AGMO: variants seen among roughly 807,000 people sequenced by gnomAD.
The protein encoded by AGMO is glyceryl-ether monooxygenase.
In AGMO, 75 loss-of-function variants were observed where a neutral mutation model predicts 60.2. The ratio of observed to expected loss-of-function variants is 1.25; its 90% CI spans 1.03 to 1.51. The LOEUF is 1.51. AGMO is among the 40% of genes most tolerant of loss of function. The pLI, the probability that AGMO is intolerant of heterozygous loss-of-function variation, is 0.00. For missense variants in AGMO, 763 were observed against 525.5 expected (o/e 1.45, Z -4.42); for synonymous variants, 261 against 177.1 (o/e 1.47, Z -3.76).
chr7:15,359,885 T>C (rs1327262230), intron 12 of AGMO, among the ~76,000 whole-genome samples: 2 of 152,228 alleles, frequency 1.3e-5, no homozygotes, highest in Admixed American at 6.5e-5. Context: ...TATAAATTCA[T>C]GTTCCAAAGA....
At chr7:15,168,696 T>A in the AGMO span, among the ~76,000 whole-genome samples, 2 of 152,154 alleles carry the variant, frequency 1.3e-5, no homozygotes, top group Non-Finnish European at 2.9e-5. Context: ...TTCCTTAGAC[T>A]CAGAACTGAA....
At chr7:15,259,824 G>GCAAAGAT (rs1440718529) in intron 12 of AGMO, among the ~76,000 whole-genome samples, 1 of 128,338 alleles carries the variant, frequency 7.8e-6, no homozygotes, top group African/African-American at 3.0e-5. Flanking sequence ...CATAAATGAA[G>GCAAAGAT]CAAAGATACA....
At chr7:15,224,287 A>G (rs1438056931) in intron 12 of AGMO, among the ~76,000 whole-genome samples, 1 of 152,074 alleles carries the variant, frequency 6.6e-6, no homozygotes, top group Admixed American at 6.6e-5. Context: ...ACCCTCACAA[A>G]TACAGATGTT....
chr7:15,250,453 G>T (rs930305702), intron 12 of AGMO, among the ~76,000 whole-genome samples: 58 of 152,100 alleles, frequency 3.8e-4, no homozygotes, highest in African/African-American at 1.3e-3. Context: ...TAGCATTCAA[G>T]CATTATTCTC....
At chr7:15,230,954 C>T (rs934935712) in intron 12 of AGMO, among the ~76,000 whole-genome samples, 15 of 152,252 alleles carry the variant, frequency 9.9e-5, no homozygotes, top group African/African-American at 3.6e-4. Context: ...TTGCTTATTC[C>T]ACTGCACCAT....
At chr7:15,535,277 C>T (rs759637390) in intron 3 of AGMO, among the ~76,000 whole-genome samples, 36 of 151,734 alleles carry the variant, frequency 2.4e-4, no homozygotes, top group Non-Finnish European at 4.4e-4. Flanking sequence ...ATTTCTTAGA[C>T]ATAAGCTTTG....
At chr7:15,147,970 G>A in the AGMO span, among the ~76,000 whole-genome samples, 7 of 152,070 alleles carry the variant, frequency 4.6e-5, no homozygotes, top group African/African-American at 1.7e-4. Context: ...TGTCAATTTT[G>A]GAATATTTTC....
rs565179659 is a variant in AGMO, at chr7:15,406,296, A to G, written c.610-12117T>C. ...TACATGTACACATATGTGTGTATAT[A>G]TATGGAATATACATATATATGTGTA... On this transcript the variant is annotated intron_variant, in intron 5 of 12. Coordinates refer to ENST00000342526, the MANE Select transcript of AGMO (RefSeq NM_001004320.2). Among the ~76,000 whole-genome samples the G allele has an allele frequency of 5.5e-5, 8 of 144,996 alleles. No homozygotes were observed. In the East Asian group the frequency reaches 1.6e-3, roughly 28 times the overall value.
At chr7:15,337,638 AC>A (rs1388062897) in intron 12 of AGMO, among the ~76,000 whole-genome samples, 1 of 152,166 alleles carries the variant, frequency 6.6e-6, no homozygotes, top group Non-Finnish European at 1.5e-5. Context: ...GCCAACTGCA[AC>A]CCACCTGCTC....
intron 12 of AGMO, among the ~76,000 whole-genome samples, chr7:15,279,639 G>A (rs549081978): frequency 7.8e-4 from 119 of 152,188 alleles, no homozygotes; most frequent in African/African-American, 2.8e-3. Context: ...CAACAATGCA[G>A]GAACTTAACA....
chr7:15,170,086 G>A, the AGMO span, among the ~76,000 whole-genome samples: 9 of 152,126 alleles, frequency 5.9e-5, no homozygotes, highest in Non-Finnish European at 1.2e-4. Context: ...CCTCTTCCAC[G>A]GATATAAACA....
Position 15,542,507 on chromosome 7 carries a change from T to C in AGMO, c.409+2265A>G, listed in dbSNP as rs531918292. Among the ~76,000 whole-genome samples the C allele has an allele frequency of 9.8e-5, 15 of 152,306 alleles. No individual in the cohort carries two copies. The South Asian group carries it at 3.1e-3, about 32-fold the overall frequency. ...GTTGATTCTTTGTTTCCTGTTATAATGGGCTTTCCAGGAGTAAACAAATTT... is the reference window on the plus strand; with the variant it reads ...GTTGATTCTTTGTTTCCTGTTATAACGGGCTTTCCAGGAGTAAACAAATTT... On this transcript the variant is annotated intron_variant, in intron 3 of 12. Transcript: ENST00000342526.
intron 10 of AGMO, among the ~76,000 whole-genome samples, chr7:15,373,742 T>C (rs1783331861): frequency 6.6e-6 from 1 of 152,220 alleles, no homozygotes; most frequent in Non-Finnish European, 1.5e-5. Flanking sequence ...GATGATTTGA[T>C]AATATTTTCC....
chr7:15,214,508 C>T (rs1050310704), intron 12 of AGMO, among the ~76,000 whole-genome samples: 4 of 151,930 alleles, frequency 2.6e-5, no homozygotes, highest in African/African-American at 9.7e-5. Context: ...TTCTCACACC[C>T]TCAAATTTGA....
At position 15,488,021 on chromosome 7, in the gene AGMO, C is replaced by T. The variant is rs1247500379; in HGVS notation, c.409+56751G>A. Among the ~76,000 whole-genome samples, 8 of 151,906 alleles carry T rather than the reference C, an allele frequency of 5.3e-5. No homozygotes were observed. The South Asian group carries it at 1.2e-3, about 24-fold the overall frequency. ...TTTAACAATATGCATAAAATTTTCC[C>T]CGAGATCTGTTTAGAATGAGGCTCT... is the stretch of plus-strand genomic sequence containing the variant. On this transcript the variant is annotated intron_variant, in intron 3 of 12. Transcript: ENST00000342526.
chr7:15,517,048 T>C (rs1165491529), intron 3 of AGMO, among the ~76,000 whole-genome samples: 1 of 151,948 alleles, frequency 6.6e-6, no homozygotes, highest in Non-Finnish European at 1.5e-5. Context: ...CTGAGAAAGA[T>C]CAACACTTTT....
rs777578023 is a variant in AGMO, at chr7:15,418,652, A to C, written c.515T>G (p.Ile172Ser). The part of the protein sequence containing the change: ...QSVLQIYTSW[I>S]FYSPLALFIP... The stretch of plus-strand genomic sequence containing the variant: ...GAAGAGGGCCAGGGGAGAGTAGAAA[A>C]TCTGAAAGAAAAAATTAAAAAAAAA... Residue 172 changes from isoleucine (I) to serine (S), a missense_variant and splice_region_variant, in exon 5 of 13, where the codon ATT (isoleucine) becomes AGT (serine). Transcript: ENST00000342526. 6.5e-7 allele frequency: 1 copy of C among 1,544,112 alleles called. No homozygotes were observed. The highest frequency in any genetic ancestry group is 8.7e-7 in the Non-Finnish European group (1 of 1,146,112).
At chr7:15,377,900 G>T (rs1783518492) in intron 10 of AGMO, among the ~76,000 whole-genome samples, 1 of 151,938 alleles carries the variant, frequency 6.6e-6, no homozygotes, top group Non-Finnish European at 1.5e-5. Flanking sequence ...AGCGTAATGT[G>T]GTTCATGCCA....
chr7:15,509,684 C>T (rs375020303), intron 3 of AGMO, among the ~76,000 whole-genome samples: 1 of 152,036 alleles, frequency 6.6e-6, no homozygotes, highest in South Asian at 2.1e-4. Flanking sequence ...AGGTATATGA[C>T]CCAAGATATA....
Sources: allele counts gnomAD v4.1 joint callset (sites outside exome capture counted in the v4.1 genomes callset), GRCh38; gene constraint gnomAD v4.1.1; transcripts MANE v1.5; gene names NCBI Gene and HGNC (gene_info 2026-07-23, HGNC 2026-07-21).